Variants in CYTH3 observed in about 807,000 individuals in gnomAD.
CYTH3 encodes the protein cytohesin 3, also known as cytohesin-3.
In CYTH3, 23 loss-of-function variants were observed where a neutral mutation model predicts 55.1. The ratio of observed to expected loss-of-function variants is 0.42; its 90% CI spans 0.30 to 0.59. The LOEUF (loss-of-function observed/expected upper bound fraction) is 0.59, where lower values mean the gene tolerates loss of function less well. Ranked by LOEUF, CYTH3 falls within the 20% of genes least tolerant of loss-of-function variation. The pLI is 0.20. For synonymous variants in CYTH3, 249 were observed against 194.9 expected (o/e 1.28, Z -2.31); for missense variants, 413 against 524.8 (o/e 0.79, Z 2.08).
Position 6,170,608 on chromosome 7 carries a change from G to T in CYTH3, c.750C>A (p.Ile250=). 6.2e-7 allele frequency: 1 copy of T among 1,613,986 alleles called. No individual in the cohort carries two copies. The highest frequency in any genetic ancestry group is 8.5e-7 in the Non-Finnish European group (1 of 1,179,892). The change falls in exon 9 of 13, where the codon ATC becomes ATA. Residue 250 remains isoleucine (I), a synonymous_variant. Transcript: ENST00000350796. This position sits in a 1 kb window ranked among gnomAD's most constrained non-coding sequence, Gnocchi z 7.8. ...YESIKNEPFK[I]PEDDGNDLTH... is the part of the protein sequence containing the mutation. ...TCAGGTCGTTCCCGTCGTCCTCCGGGATCTTAAATGGCTCGTTCTTAATGC... is the reference window on the plus strand; with the variant it reads ...TCAGGTCGTTCCCGTCGTCCTCCGGTATCTTAAATGGCTCGTTCTTAATGC...
At chr7:6,252,455 T>C (rs1309139364) in intron 1 of CYTH3, among the ~76,000 whole-genome samples, 1 of 152,208 alleles carries the variant, frequency 6.6e-6, no homozygotes, top group Non-Finnish European at 1.5e-5. Context: ...ATTAATACTT[T>C]AGAATGGAAT....
At chr7:6,268,456 C>T (rs551322253) in intron 1 of CYTH3, among the ~76,000 whole-genome samples, 2 of 152,268 alleles carry the variant, frequency 1.3e-5, no homozygotes, top group Non-Finnish European at 2.9e-5. Flanking sequence ...AGGTGAGAGC[C>T]GCCGCGCCCG....
intron 1 of CYTH3, among the ~76,000 whole-genome samples, chr7:6,256,938 G>C (rs1780144741): frequency 6.6e-6 from 1 of 152,188 alleles, no homozygotes; most frequent in Non-Finnish European, 1.5e-5. Context: ...AGGAAGGAAA[G>C]AAGGCATTTG....
chr7:6,221,556 A>G (rs1366351380), intron 1 of CYTH3, among the ~76,000 whole-genome samples: 1 of 152,186 alleles, frequency 6.6e-6, no homozygotes, highest in East Asian at 1.9e-4. Flanking sequence ...AACACCTCAT[A>G]CCAATGTCAG....
chr7:6,220,239 C>T (rs188240562), intron 1 of CYTH3, among the ~76,000 whole-genome samples: 12 of 152,200 alleles, frequency 7.9e-5, no homozygotes, highest in Non-Finnish European at 1.6e-4. Context: ...CGGTCCAATG[C>T]AGAACAGATA....
At chr7:6,179,548 T>A (rs949150763) in intron 4 of CYTH3, among the ~76,000 whole-genome samples, 4 of 151,736 alleles carry the variant, frequency 2.6e-5, no homozygotes, top group African/African-American at 9.7e-5. Flanking sequence ...ATGTATCTGG[T>A]GATGGTACCC....
intron 1 of CYTH3, among the ~76,000 whole-genome samples, chr7:6,250,973 C>G (rs1328527806): frequency 3.3e-5 from 5 of 152,166 alleles, no homozygotes; most frequent in African/African-American, 1.2e-4. Context: ...GAGCAGCAAA[C>G]CAATCATACA....
chr7:6,190,196 G>C (rs150532353), intron 2 of CYTH3, among the ~76,000 whole-genome samples: 2 of 152,292 alleles, frequency 1.3e-5, no homozygotes, highest in East Asian at 3.9e-4. Flanking sequence ...GCTGACCTCA[G>C]TTCTACGATG....
chr7:6,172,685 G>A (rs1206319339), intron 6 of CYTH3: 2 of 1,058,984 alleles, frequency 1.9e-6, no homozygotes, highest in South Asian at 4.3e-5. Flanking sequence ...GAAAGAAATG[G>A]AGTCACAGCT....
chr7:6,189,929 A>C (rs2128543929), intron 2 of CYTH3, among the ~76,000 whole-genome samples: 1 of 152,162 alleles, frequency 6.6e-6, no homozygotes, highest in Non-Finnish European at 1.5e-5. Flanking sequence ...TCAGATACTC[A>C]GGAGACTGAG....
At chr7:6,268,081 G>A (rs1226592139) in intron 1 of CYTH3, among the ~76,000 whole-genome samples, 1 of 151,882 alleles carries the variant, frequency 6.6e-6, no homozygotes, top group Admixed American at 6.6e-5. Flanking sequence ...ACCTTCCAGG[G>A]AATCTGCATG....
At chr7:6,269,512 G>A (rs936295757) in intron 1 of CYTH3, among the ~76,000 whole-genome samples, 9 of 152,112 alleles carry the variant, frequency 5.9e-5, no homozygotes, top group South Asian at 2.1e-4. Context: ...GGTCCATTCA[G>A]GACCATCAAT....
intron 4 of CYTH3, among the ~76,000 whole-genome samples, chr7:6,184,172 T>C (rs1275062377): frequency 2.1e-5 from 3 of 145,194 alleles, no homozygotes; most frequent in Admixed American, 7.1e-5. Context: ...GCCATTCTCC[T>C]GCCTCAGCCT....
chr7:6,252,161 A>G (rs1779988207), intron 1 of CYTH3, among the ~76,000 whole-genome samples: 1 of 152,248 alleles, frequency 6.6e-6, no homozygotes. Flanking sequence ...TATTTGCTGT[A>G]TGGTAAATGC....
In CYTH3 at chr7:6,171,293, C is replaced by T. The variant is rs1471183726; in HGVS notation, c.471G>A (p.Arg157=). 6.2e-7 allele frequency: 1 copy of T among 1,614,160 alleles called. No individual in the cohort carries two copies. The highest frequency in any genetic ancestry group is 8.5e-7 in the Non-Finnish European group (1 of 1,180,014). ...CAATCTTCTGCGCCTCCCCGGGCAG[C>T]CTGAAGCTCCATAAGAACTGCCTGT... ...QALRQFLWSF[R]LPGEAQKIDR... The change falls in exon 7 of 13, where the codon AGG becomes AGA. Residue 157 remains arginine, a synonymous_variant. Coordinates refer to ENST00000350796, the MANE Select transcript of CYTH3 (RefSeq NM_004227.4). The surrounding 1 kb of genome is among the most constrained non-coding windows in gnomAD (Gnocchi z 6.7).
chr7:6,249,625 A>G (rs1779908681), intron 1 of CYTH3, among the ~76,000 whole-genome samples: 1 of 152,216 alleles, frequency 6.6e-6, no homozygotes, highest in South Asian at 2.1e-4. Context: ...CTTCTGTTTT[A>G]TCTGCTTATA....
intron 1 of CYTH3, among the ~76,000 whole-genome samples, chr7:6,259,808 TATATAATATATATATATATATATA>T (rs1780292491): frequency 1.3e-4 from 4 of 30,266 alleles, no homozygotes; most frequent in African/African-American, 3.6e-4. Flanking sequence ...TATATATATA[TATATAATATATATATATATATATA>T]TTTTTTTTTT....
rs1410147584 is a variant in CYTH3 at position 6,167,464 on chromosome 7, C to T, written c.824-1654G>A. The stretch of plus-strand genomic sequence containing the variant: ...CCCTGACATCCGTCACTGTCACGGT[C>T]GCCTCTGCTTCCCTCCAGAGACTCC... On this transcript the variant is annotated intron_variant, in intron 9 of 12. Transcript: ENST00000350796. This position sits in a 1 kb window ranked among gnomAD's most constrained non-coding sequence, Gnocchi z 5.5. 1.3e-5 allele frequency among the ~76,000 whole-genome samples: 2 copies of T among 152,236 alleles called. No individual in the cohort carries two copies. The highest frequency in any genetic ancestry group is 4.8e-5 in the African/African-American group (2 of 41,472).
intron 1 of CYTH3, among the ~76,000 whole-genome samples, chr7:6,237,934 T>C (rs1046589912): frequency 2.6e-5 from 4 of 152,180 alleles, no homozygotes; most frequent in South Asian, 4.1e-4. Context: ...TATCATCCTA[T>C]AATGCTAGAA....
Sources: allele counts gnomAD v4.1 joint callset (sites outside exome capture counted in the v4.1 genomes callset), GRCh38; gene constraint gnomAD v4.1.1; non-coding constraint Gnocchi (gnomAD v3.1); transcripts MANE v1.5; gene names NCBI Gene and HGNC (gene_info 2026-07-23, HGNC 2026-07-21).